The following FBXO38 variants were observed in gnomAD, a reference collection of about 807,000 sequenced individuals.
FBXO38 encodes F-box only protein 38.
FBXO38 carries 53 observed loss-of-function variants against 131.9 expected under a neutral mutation model. That is an observed-to-expected ratio of 0.40 (90% CI 0.32 to 0.51). The LOEUF is 0.51. Among genes scored for constraint, FBXO38 ranks in the 20% least tolerant of loss-of-function variants. The probability of loss-of-function intolerance (pLI) is 0.53; values close to 1 mark genes in which losing one functional copy is unlikely to be tolerated. For missense variants in FBXO38, 1,076 were observed against 1,475.6 expected, an observed-to-expected ratio of 0.73 and a Z score of 4.44; for synonymous variants, 452 against 505.6, an observed-to-expected ratio of 0.89 and a Z score of 1.42.
chr5:148,420,805 T>C (rs1753373651), intron 12 of FBXO38, among the ~76,000 whole-genome samples: 1 of 152,002 alleles, frequency 6.6e-6, no homozygotes, highest in African/African-American at 2.4e-5. Context: ...TTCGGCTGTG[T>C]GAGGCCAGAT....
intron 3 of FBXO38, 156 bp downstream of exon 3, chr5:148,399,288 T>C: frequency 1.3e-6 from 1 of 775,294 alleles, no homozygotes; most frequent in Non-Finnish European, 2.0e-6. Flanking sequence ...GGTTTTAGGT[T>C]GTAAAATGCG....
intron 12 of FBXO38, among the ~76,000 whole-genome samples, chr5:148,418,021 T>C (rs1444045899): frequency 6.6e-6 from 1 of 152,146 alleles, no homozygotes; most frequent in African/African-American, 2.4e-5. Flanking sequence ...GCACTCTGAG[T>C]ATACAGTTCC....
chr5:148,439,688 C>T lies in FBXO38; in HGVS notation c.3066C>T (p.Pro1022=), dbSNP rs895981912. 5 of 1,607,480 alleles carry T rather than the reference C, an allele frequency of 3.1e-6. No homozygotes were observed. The highest frequency in any genetic ancestry group is 4.2e-6 in the Non-Finnish European group (5 of 1,179,662). ...LTLEQKLFSG[P]YPYHICIIHE... ...TGGAGCAGAAGCTATTTAGTGGTCC[C>T]TACCCCTATCACATCTGTATTATCC... is the stretch of plus-strand genomic sequence containing the variant. The change falls in exon 19 of 22, where the codon CCC becomes CCT. Residue 1022 remains proline (P), a synonymous_variant. Coordinates refer to ENST00000340253, the MANE Select transcript of FBXO38 (RefSeq NM_205836.3).
chr5:148,435,890 G>A (rs1754322577), intron 17 of FBXO38, among the ~76,000 whole-genome samples: 1 of 152,128 alleles, frequency 6.6e-6, no homozygotes, highest in Non-Finnish European at 1.5e-5. Flanking sequence ...CAGGGAGTAG[G>A]GAGACCTGAG....
intron 12 of FBXO38, among the ~76,000 whole-genome samples, chr5:148,422,951 G>GGTTGGTTT (rs1491285808): frequency 6.6e-6 from 1 of 150,982 alleles, no homozygotes; most frequent in Non-Finnish European, 1.5e-5. Flanking sequence ...ACAGATAACT[G>GGTTGGTTT]GTTTGTTTGT....
intron 9 of FBXO38, 91 bp downstream of exon 9, chr5:148,410,856 G>C: frequency 8.2e-7 from 1 of 1,221,122 alleles, no homozygotes; most frequent in Non-Finnish European, 1.1e-6. Context: ...ATGTCTTTTT[G>C]AACATAAGAC....
At chr5:148,408,899 A>G (rs568233730) in intron 7 of FBXO38, among the ~76,000 whole-genome samples, 1 of 152,326 alleles carries the variant, frequency 6.6e-6, no homozygotes, top group East Asian at 1.9e-4. Context: ...AGTAGTTTTC[A>G]GATGCCATCA....
At chr5:148,401,413 T>C (rs1752142674) in intron 3 of FBXO38, among the ~76,000 whole-genome samples, 2 of 152,168 alleles carry the variant, frequency 1.3e-5, no homozygotes, top group Admixed American at 6.5e-5. Flanking sequence ...TTCAAAAGAA[T>C]TAATTGTCTA....
intron 1 of FBXO38, among the ~76,000 whole-genome samples, chr5:148,393,189 GTGT>G (rs1297797468): frequency 1.5e-4 from 2 of 13,346 alleles, no homozygotes; most frequent in African/African-American, 2.2e-3. Flanking sequence ...CAGAAGAGGG[GTGT>G]GTGTGTGTGT....
intron 21 of FBXO38, chr5:148,441,622 G>A (rs1754690158): frequency 1.9e-5 from 4 of 205,330 alleles, no homozygotes; most frequent in Non-Finnish European, 3.8e-5. Flanking sequence ...GAAATTAGGG[G>A]AGAAATTTTT....
intron 20 of FBXO38, 76 bp from the exon 21 acceptor site, chr5:148,441,048 C>A: frequency 1.1e-6 from 1 of 928,190 alleles, no homozygotes; most frequent in Non-Finnish European, 1.8e-6. Flanking sequence ...ATTTTACATT[C>A]TGCTTACAAA....
chr5:148,433,616 C>T lies in FBXO38; in HGVS notation c.2755-19C>T, dbSNP rs1754167640. The T allele has an allele frequency of 7.0e-6, 11 of 1,572,210 alleles. No homozygotes were observed. The highest frequency in any genetic ancestry group is 9.6e-6 in the Non-Finnish European group (11 of 1,151,592). On this transcript the variant is annotated intron_variant, in intron 16 of 21. Transcript: ENST00000340253. ...TAAAGTTTGTATCTTTATATAGTTT[C>T]TAATTTTTCTGCTTGTAGGTTCTTG... is the stretch of plus-strand genomic sequence containing the variant.
intron 14 of FBXO38, among the ~76,000 whole-genome samples, chr5:148,426,311 T>C (rs1753712447): frequency 6.6e-6 from 1 of 152,210 alleles, no homozygotes; most frequent in African/African-American, 2.4e-5. Context: ...AATTGTGCAG[T>C]CATTTTTCCT....
chr5:148,398,017 G>A (rs1236610604), intron 2 of FBXO38, among the ~76,000 whole-genome samples: 2 of 152,108 alleles, frequency 1.3e-5, no homozygotes, highest in African/African-American at 4.8e-5. Flanking sequence ...AGGCAGCATT[G>A]CCACCTGGAG....
rs752847212 is a variant in FBXO38, at chr5:148,417,157, A to C, written c.1571A>C (p.Asp524Ala). The C allele has an allele frequency of 1.2e-6, 2 of 1,613,946 alleles. No homozygotes were observed. The highest frequency in any genetic ancestry group is 1.7e-6 in the Non-Finnish European group (2 of 1,179,856). The change falls in exon 12 of 22, where the codon GAC (aspartate) becomes GCC (alanine). Residue 524 changes from aspartate (D) to alanine (A), a missense_variant. Physicochemically the swap from Asp to Ala is moderately radical, Grantham distance 126. Coordinates refer to ENST00000340253, the MANE Select transcript of FBXO38 (RefSeq NM_205836.3). ...HHPDDSDEENDFRQDLQPGEQ... is the reference protein window; with the variant it reads ...HHPDDSDEENAFRQDLQPGEQ... ...CCAGATGACTCAGACGAGGAGAATG[A>C]CTTTCGGCAAGATCTGCAGCCAGGA...
At chr5:148,405,972 C>T (rs1317409004) in intron 6 of FBXO38, among the ~76,000 whole-genome samples, 2 of 152,164 alleles carry the variant, frequency 1.3e-5, no homozygotes, top group South Asian at 2.1e-4. Flanking sequence ...AAATTTTTAT[C>T]TTGACTTTTT....
Position 148,404,806 on chromosome 5 carries a change from C to T in FBXO38, c.714C>T (p.Val238=). 6.2e-7 allele frequency: 1 copy of T among 1,606,128 alleles called. No individual in the cohort carries two copies. The highest frequency in any genetic ancestry group is 8.5e-7 in the Non-Finnish European group (1 of 1,177,576). Residue 238 remains valine (V), a synonymous_variant, in exon 6 of 22, where the codon GTC becomes GTT. Coordinates refer to ENST00000340253, the MANE Select transcript of FBXO38 (RefSeq NM_205836.3). ...TTTGTATCAGCTTAAGAACTTTCGT[C>T]ATGAGGAACTGTGCAGGTAATGGTA... ...DFLCISLRTF[V]MRNCAGPTNS... is the part of the protein sequence containing the mutation.
In FBXO38 at chr5:148,425,666, A is replaced by G; in HGVS notation, c.1883A>G (p.Lys628Arg). The G allele has an allele frequency of 1.2e-6, 2 of 1,614,074 alleles. No individual in the cohort carries two copies. Among genetic ancestry groups the G allele is most frequent in the Non-Finnish European group, 1.7e-6 (2 of 1,179,934 alleles). Residue 628 changes from lysine to arginine, a missense_variant, in exon 14 of 22, where the codon AAA becomes AGA. Lys to Arg is a conservative substitution (Grantham distance 26). This residue lies in a region of FBXO38 where 212 missense variants were observed against 221.2 expected (regional missense o/e 0.96). Transcript: ENST00000340253. The stretch of plus-strand genomic sequence containing the variant: ...CGGCGTTACTCTGAACGTGAAGAAA[A>G]AACTGGAGAGTCAGTGCAGTCCAGA... ...GTRRYSEREEKTGESVQSREL... is the reference protein window; with the variant it reads ...GTRRYSEREERTGESVQSREL...
intron 7 of FBXO38, among the ~76,000 whole-genome samples, chr5:148,406,829 A>G (rs761987260): frequency 1.3e-5 from 2 of 152,180 alleles, no homozygotes; most frequent in Non-Finnish European, 2.9e-5. Context: ...TTTTATACAT[A>G]TTACTTGGAT....
Sources: gnomAD v4.1 joint callset for allele counts (sites outside exome capture counted in the v4.1 genomes callset) on GRCh38, gnomAD v4.1.1 for gene constraint, gnomAD v4.1.1 regional missense constraint, MANE v1.5 for transcripts, NCBI Gene and HGNC (gene_info 2026-07-23, HGNC 2026-07-21) for gene names.